BDP1: variants seen among roughly 807,000 people sequenced by gnomAD.
The protein encoded by BDP1 is BDP1 general transcription factor IIIB subunit, also known as transcription factor TFIIIB component B'' homolog.
In BDP1, 169 loss-of-function variants were observed where a neutral mutation model predicts 266.6. That is an observed-to-expected ratio of 0.63 (90% CI 0.56 to 0.72). The LOEUF is 0.72. Among genes scored for constraint, BDP1 ranks in the 30% least tolerant of loss-of-function variants. BDP1 has a pLI of 0.00. For synonymous variants in BDP1, 1,090 were observed against 1,022.4 expected, an observed-to-expected ratio of 1.07 and a Z score of -1.26; for missense variants, 3,015 against 3,053.8, an observed-to-expected ratio of 0.99 and a Z score of 0.30.
chr5:71,511,304 C>T, intron 17 of BDP1, 153 bp downstream of exon 17: 1 of 719,864 alleles, frequency 1.4e-6, no homozygotes. Context: ...TGTTTCAGTG[C>T]CTTGAAGAAA....
Position 71,562,254 on chromosome 5 carries a change from C to T in BDP1, c.7497-20C>T, listed in dbSNP as rs369942440. 1.9e-5 allele frequency: 22 copies of T among 1,152,478 alleles called. No homozygotes were observed. In the East Asian group the frequency reaches 2.3e-4, roughly 12 times the overall value. 71.4% of individuals were successfully genotyped at this position (1,152,478 alleles called of 1,614,324 possible). On this transcript the variant is annotated intron_variant, in intron 37 of 38. Coordinates refer to ENST00000358731, the MANE Select transcript of BDP1 (RefSeq NM_018429.3). ...TGTCTTCCTGGGTATTCTTGAATAT[C>T]GTTACATTTGTATTTCTAGACCTGG...
intron 28 of BDP1, among the ~76,000 whole-genome samples, chr5:71,540,900 T>C (rs200307240): frequency 6.6e-6 from 1 of 152,110 alleles, no homozygotes; most frequent in Admixed American, 6.5e-5. Context: ...ATCGCACCAC[T>C]GCACTCCAGC....
intron 28 of BDP1, among the ~76,000 whole-genome samples, chr5:71,541,204 A>G (rs1766942664): frequency 6.6e-6 from 1 of 152,212 alleles, no homozygotes; most frequent in African/African-American, 2.4e-5. Flanking sequence ...TAATAATCGG[A>G]TAAAATTCCA....
intron 38 of BDP1, 23 bp from the exon 39 acceptor site, chr5:71,564,720 TTTTATTTTTAC>T: frequency 6.5e-7 from 1 of 1,546,118 alleles, no homozygotes; most frequent in Non-Finnish European, 8.8e-7. Context: ...TGTATTACAG[TTTTATTTTTAC>T]TTTATTTTTA....
At chr5:71,570,876 G>C (rs1016896351), downstream of BDP1, among the ~76,000 whole-genome samples, 9 of 152,158 alleles carry the variant, frequency 5.9e-5, no homozygotes, top group Non-Finnish European at 1.3e-4. Context: ...TTATGGTTAG[G>C]GGGTGTCTGA....
rs1324309039 is a variant in BDP1, at chr5:71,455,891, C to A, written c.14C>A (p.Ala5Glu). The change falls in exon 1 of 39, where the codon GCA becomes GAA. Residue 5 changes from alanine (A) to glutamate (E), a missense_variant. Physicochemically the swap from Ala to Glu is moderately radical, Grantham distance 107 (BLOSUM62 -1). Coordinates refer to ENST00000358731, the MANE Select transcript of BDP1 (RefSeq NM_018429.3). MFRR[A>E]RLSVKPNVRP... ...CCTGCCTCCGCCATGTTCCGCAGGG[C>A]ACGCCTTAGCGTGAAGCCGAATGTC... 6.3e-7 allele frequency: 1 copy of A among 1,592,474 alleles called. No individual in the cohort carries two copies. Among genetic ancestry groups the A allele is most frequent in the South Asian group, 1.1e-5 (1 of 88,640 alleles).
At chr5:71,495,588 T>C (rs1040940493) in intron 12 of BDP1, among the ~76,000 whole-genome samples, 180 bp downstream of exon 12, 10 of 152,212 alleles carry the variant, frequency 6.6e-5, no homozygotes, top group Non-Finnish European at 1.3e-4. Context: ...TCAGGTGTTT[T>C]ACTTTATATT....
chr5:71,526,195 G>C (rs950028065), intron 25 of BDP1, among the ~76,000 whole-genome samples: 6 of 152,218 alleles, frequency 3.9e-5, no homozygotes, highest in African/African-American at 1.4e-4. Context: ...CCGGCACCTC[G>C]GGAGGCCGAG....
At chr5:71,538,929 T>TAC in intron 26 of BDP1, 113 bp from the exon 27 acceptor site, 1 of 705,120 alleles carries the variant, frequency 1.4e-6, no homozygotes, top group Non-Finnish European at 2.5e-6. Context: ...CAAACCAGTT[T>TAC]ACACTATTGT....
rs1743748779 is a variant in BDP1 at position 71,562,488 on chromosome 5, C to T, written c.7711C>T (p.Gln2571Ter). 6.2e-7 allele frequency: 1 copy of T among 1,613,848 alleles called. No individual in the cohort carries two copies. Among genetic ancestry groups the T allele is most frequent in the African/African-American group, 1.3e-5 (1 of 75,034 alleles). ...TCCATCTCCAAGTGTTATTACTACT[C>T]AATCTGAGAATATTAGCAGCTCAGC... is the stretch of plus-strand genomic sequence containing the variant. ...LLPSPSVITT[Q>*]SENISSSATQ... Residue 2571 changes from glutamine (Q) to a stop codon, truncating the protein, a stop_gained, in exon 38 of 39, where the codon CAA (glutamine) becomes TAA (stop). Transcript: ENST00000358731. LOFTEE classifies it low-confidence loss of function (END_TRUNC).
intron 8 of BDP1, among the ~76,000 whole-genome samples, chr5:71,484,936 A>C (rs140452418): frequency 3.9e-5 from 6 of 152,276 alleles, no homozygotes; most frequent in African/African-American, 1.4e-4. Flanking sequence ...TCCTACACCC[A>C]GTGTTTTATC....
chr5:71,557,734 C>T lies in BDP1; in HGVS notation c.7240+809C>T, dbSNP rs185284393. ...ATGTATTTTTGTAGAGATGGGGTTT[C>T]GCCATGTTGCCCATGCTGGTCTTGA... is the stretch of plus-strand genomic sequence containing the variant. On this transcript the variant is annotated intron_variant, in intron 36 of 38. Transcript: ENST00000358731. Among the ~76,000 whole-genome samples the T allele has an allele frequency of 8.0e-5, 8 of 100,152 alleles. No individual in the cohort carries two copies. In the South Asian group the frequency reaches 1.9e-3, roughly 23 times the overall value. 65.7% of individuals were successfully genotyped at this position (100,152 alleles called of 152,430 possible).
intron 7 of BDP1, among the ~76,000 whole-genome samples, chr5:71,478,336 A>T (rs1330810814): frequency 6.6e-6 from 1 of 152,216 alleles, no homozygotes; most frequent in Non-Finnish European, 1.5e-5. Flanking sequence ...TTTTAAGGAA[A>T]TCAAGTAGAA....
downstream of BDP1, among the ~76,000 whole-genome samples, chr5:71,571,721 C>T (rs369707840): frequency 1.9e-4 from 29 of 152,274 alleles, no homozygotes; most frequent in African/African-American, 6.0e-4. Context: ...CCAACCTCCA[C>T]CTCCTAGGTT....
chr5:71,541,726 TC>T, intron 29 of BDP1, 44 bp downstream of exon 29: 4 of 1,210,582 alleles, frequency 3.3e-6, no homozygotes, highest in Non-Finnish European at 4.6e-6. Context: ...AAAACCACCA[TC>T]AAATTAGTTA....
In BDP1 at chr5:71,502,642, G is replaced by T. The variant is rs1764319713; in HGVS notation, c.2092G>T (p.Ala698Ser). 3 of 1,612,716 alleles carry T rather than the reference G, an allele frequency of 1.9e-6. No homozygotes were observed. The highest frequency in any genetic ancestry group is 2.5e-6 in the Non-Finnish European group (3 of 1,179,466). Residue 698 changes from alanine to serine, a missense_variant, in exon 15 of 39, where the codon GCT (alanine) becomes TCT (serine). Physicochemically the swap from Ala to Ser is moderately conservative, Grantham distance 99. This residue lies in a region of BDP1 where 2,383 missense variants were observed against 2,404.9 expected (regional missense o/e 0.99). Transcript: ENST00000358731. ...NCLQEGSQLK[A>S]LRPVQVRGRL... is the part of the protein sequence containing the mutation. ...TCTGCAGGAAGGGAGTCAACTAAAG[G>T]CTTTAAGACCTGTACAAGTGAGGGG...
At chr5:71,457,179 A>G (rs1012458363) in intron 1 of BDP1, among the ~76,000 whole-genome samples, 6 of 152,090 alleles carry the variant, frequency 3.9e-5, no homozygotes, top group Admixed American at 1.3e-4. Context: ...AAATTGCCCA[A>G]AGATTGTAGT....
chr5:71,502,626 A>G lies in BDP1; in HGVS notation c.2076A>G (p.Glu692=). ...TGGGTGAAAAAAATTGTCTGCAGGA[A>G]GGGAGTCAACTAAAGGCTTTAAGAC... ...SVLGEKNCLQ[E]GSQLKALRPV... The change falls in exon 15 of 39, where the codon GAA becomes GAG. Residue 692 remains glutamate (E), a synonymous_variant. Transcript: ENST00000358731. 1.2e-6 allele frequency: 2 copies of G among 1,602,570 alleles called. No individual in the cohort carries two copies.
chr5:71,564,741 A>G lies in BDP1; in HGVS notation c.7744-13A>G. Reference sequence around the variant, plus strand: ...ACAGTTTTATTTTTACTTTATTTTTATTACCTTTTTAGGTTTCTTGTGATC... The same window carrying G: ...ACAGTTTTATTTTTACTTTATTTTTGTTACCTTTTTAGGTTTCTTGTGATC... On this transcript the variant is annotated splice_polypyrimidine_tract_variant and intron_variant, in intron 38 of 38. Transcript: ENST00000358731. 1 of 1,587,432 alleles carries G rather than the reference A, an allele frequency of 6.3e-7. No individual in the cohort carries two copies. Among genetic ancestry groups the G allele is most frequent in the Non-Finnish European group, 8.6e-7 (1 of 1,169,430 alleles).
Sources: allele counts gnomAD v4.1 joint callset (sites outside exome capture counted in the v4.1 genomes callset), GRCh38; gene constraint gnomAD v4.1.1; regional missense constraint gnomAD v4.1.1; transcripts MANE v1.5; gene names NCBI Gene and HGNC (gene_info 2026-07-23, HGNC 2026-07-21).